Variants in PTPRM observed in about 807,000 individuals in gnomAD.
PTPRM encodes the protein protein tyrosine phosphatase receptor type M, also known as receptor-type tyrosine-protein phosphatase mu.
A neutral mutation model predicts 186.7 loss-of-function variants in PTPRM; 47 were observed. That is an observed-to-expected ratio of 0.25 (90% CI 0.20 to 0.32). PTPRM has a LOEUF of 0.32. Among genes scored for constraint, PTPRM ranks in the 10% least tolerant of loss-of-function variants. The probability of loss-of-function intolerance (pLI) is 1.00; values close to 1 mark genes in which losing one functional copy is unlikely to be tolerated. For synonymous variants in PTPRM, 668 were observed against 674.9 expected, an observed-to-expected ratio of 0.99 and a Z score of 0.16; for missense variants, 1,494 against 1,865.0, an observed-to-expected ratio of 0.80 and a Z score of 3.66.
chr18:8,109,387 T>A (rs963183308), intron 11 of PTPRM, among the ~76,000 whole-genome samples: 5 of 152,214 alleles, frequency 3.3e-5, no homozygotes, highest in Non-Finnish European at 7.3e-5. Flanking sequence ...TAATTTGTCT[T>A]GTGGAGCAAG....
chr18:8,202,413 T>C (rs1298778558), intron 14 of PTPRM, among the ~76,000 whole-genome samples: 1 of 152,214 alleles, frequency 6.6e-6, no homozygotes, highest in East Asian at 1.9e-4. Flanking sequence ...GTTCATTCTC[T>C]GCTCAGTGTG....
At chr18:8,254,095 T>A (rs2094553676) in intron 19 of PTPRM, among the ~76,000 whole-genome samples, 1 of 152,156 alleles carries the variant, frequency 6.6e-6, no homozygotes. Context: ...CAACCAGCAA[T>A]GTCATGTGGT....
chr18:7,760,501 G>A (rs567329160), intron 1 of PTPRM, among the ~76,000 whole-genome samples: 15 of 152,266 alleles, frequency 9.9e-5, no homozygotes, highest in Admixed American at 3.3e-4. Flanking sequence ...GTTCGCCCTC[G>A]TGGGCTGAGA....
At chr18:7,660,833 C>T (rs1333250111) in intron 1 of PTPRM, among the ~76,000 whole-genome samples, 3 of 151,700 alleles carry the variant, frequency 2.0e-5, no homozygotes, top group Non-Finnish European at 4.4e-5. Flanking sequence ...TAACTGGGCA[C>T]GGTGGCGTGT....
chr18:8,074,836 TC>T, intron 8 of PTPRM, among the ~76,000 whole-genome samples: 1 of 152,320 alleles, frequency 6.6e-6, no homozygotes, highest in Non-Finnish European at 1.5e-5. Context: ...AGAAGCCTTC[TC>T]CCATTCTGTG....
chr18:8,367,874 C>T (rs1043934588), intron 23 of PTPRM, among the ~76,000 whole-genome samples: 1 of 152,152 alleles, frequency 6.6e-6, no homozygotes, highest in African/African-American at 2.4e-5. Flanking sequence ...ACTAGGTGAC[C>T]ATCCAAAATA....
intron 7 of PTPRM, among the ~76,000 whole-genome samples, chr18:7,998,343 TAGAG>T (rs1235783423): frequency 1.3e-5 from 2 of 151,968 alleles, no homozygotes; most frequent in Non-Finnish European, 2.9e-5. Flanking sequence ...CTCATGGAGT[TAGAG>T]AGTAGAATGG....
At chr18:7,730,734 G>C (rs1462141771) in intron 1 of PTPRM, among the ~76,000 whole-genome samples, 1 of 152,128 alleles carries the variant, frequency 6.6e-6, no homozygotes, top group African/African-American at 2.4e-5. Context: ...TTCCTTCACT[G>C]AGGAGAGGGG....
intron 1 of PTPRM, among the ~76,000 whole-genome samples, chr18:7,653,737 T>A (rs1356319275): frequency 6.6e-6 from 1 of 152,236 alleles, no homozygotes; most frequent in African/African-American, 2.4e-5. Context: ...TTTATGTTGA[T>A]TCCATGTCCT....
At chr18:8,378,517 C>G in intron 27 of PTPRM, 103 bp downstream of exon 27, 1 of 1,410,874 alleles carries the variant, frequency 7.1e-7, no homozygotes, top group Non-Finnish European at 9.7e-7. Context: ...GGTTCCTTGG[C>G]CTCCATAGCA....
chr18:7,701,250 G>C (rs1441610520), intron 1 of PTPRM, among the ~76,000 whole-genome samples: 1 of 149,822 alleles, frequency 6.7e-6, no homozygotes, highest in East Asian at 2.0e-4. Flanking sequence ...GTAGCAGTGA[G>C]CTGAGATCAC....
At chr18:7,746,998 C>T (rs1030429712) in intron 1 of PTPRM, among the ~76,000 whole-genome samples, 14 of 152,248 alleles carry the variant, frequency 9.2e-5, no homozygotes, top group African/African-American at 3.1e-4. Flanking sequence ...AGGGCTGTTT[C>T]TCACTCTCAG....
intron 14 of PTPRM, among the ~76,000 whole-genome samples, chr18:8,227,132 T>C (rs1433494673): frequency 1.3e-5 from 2 of 152,220 alleles, no homozygotes; most frequent in Non-Finnish European, 2.9e-5. Context: ...TAATTGCGAC[T>C]TTTGTCGTTA....
rs1054116497 is a variant in PTPRM, at chr18:7,568,739, C to G, written c.73+848C>G. Among the ~76,000 whole-genome samples, 10 of 152,198 alleles carry G rather than the reference C, an allele frequency of 6.6e-5. No individual in the cohort carries two copies. The highest frequency in any genetic ancestry group is 2.6e-4 in the Admixed American group (4 of 15,296). ...GTGTGTGCGCGTGTGTGCCTGCACG[C>G]GCGCGCGGGGGCGTTCTAAGCCCAG... On this transcript the variant is annotated intron_variant, in intron 1 of 32. Coordinates refer to ENST00000580170, the MANE Select transcript of PTPRM (RefSeq NM_001105244.2). This position sits in a 1 kb window ranked among gnomAD's most constrained non-coding sequence, Gnocchi z 5.1.
intron 2 of PTPRM, among the ~76,000 whole-genome samples, chr18:7,876,139 CATGT>C (rs1282095353): frequency 7.0e-6 from 1 of 143,168 alleles, no homozygotes; most frequent in Non-Finnish European, 1.5e-5. Flanking sequence ...TGTGTGTGTG[CATGT>C]GTGTGTGTGA....
In PTPRM at chr18:8,341,711, T is replaced by C. The variant is rs145964730; in HGVS notation, c.2957-1712T>C. 2.9e-3 allele frequency among the ~76,000 whole-genome samples: 427 copies of C among 148,382 alleles called. 1 individual carries two copies. The highest frequency in any genetic ancestry group is 0.01 in the African/African-American group (412 of 41,106). On this transcript the variant is annotated intron_variant, in intron 22 of 32. Coordinates refer to ENST00000580170, the MANE Select transcript of PTPRM (RefSeq NM_001105244.2). The stretch of plus-strand genomic sequence containing the variant: ...CCCCCCCTTTGATTCAGGGGTCACA[T>C]TGGGCTGTTTGCGCAAAGAAGGACT...
rs2087827164 is a variant in PTPRM at position 8,055,123 on chromosome 18, T to C, written c.1133-14563T>C. Among the ~76,000 whole-genome samples the C allele has an allele frequency of 2.0e-5, 3 of 152,184 alleles. No homozygotes were observed. The South Asian group carries it at 6.2e-4, about 31-fold the overall frequency. ...GTCTAAATGTGGAATTTAATTTTTC[T>C]ATCTTTTGTATATGTTATACTTTCT... On this transcript the variant is annotated intron_variant, in intron 7 of 32. Coordinates refer to ENST00000580170, the MANE Select transcript of PTPRM (RefSeq NM_001105244.2).
At chr18:8,294,578 G>C (rs1028043638) in intron 19 of PTPRM, among the ~76,000 whole-genome samples, 3 of 152,182 alleles carry the variant, frequency 2.0e-5, no homozygotes, top group Admixed American at 2.0e-4. Context: ...AATTGAAGAT[G>C]AGATTTGGGT....
chr18:7,600,981 G>A (rs547525033), intron 1 of PTPRM, among the ~76,000 whole-genome samples: 2 of 152,324 alleles, frequency 1.3e-5, no homozygotes, highest in South Asian at 4.1e-4. Flanking sequence ...GCTTGGAGAA[G>A]ACAACAATTC....
Sources: gnomAD v4.1 joint callset for allele counts (sites outside exome capture counted in the v4.1 genomes callset) on GRCh38, gnomAD v4.1.1 for gene constraint, Gnocchi (gnomAD v3.1) non-coding constraint, MANE v1.5 for transcripts, NCBI Gene and HGNC (gene_info 2026-07-23, HGNC 2026-07-21) for gene names.